IGLL5: variants seen among roughly 807,000 people sequenced by gnomAD.
IGLL5 encodes immunoglobulin lambda like polypeptide 5.
IGLL5 carries 30 observed loss-of-function variants against 20.9 expected under a neutral mutation model. The observed-to-expected ratio is 1.44, with a 90% CI of 1.07 to 1.95. The LOEUF (loss-of-function observed/expected upper bound fraction) is 1.95, where lower values mean the gene tolerates loss of function less well. Ranked by LOEUF, IGLL5 falls within the 30% of genes most tolerant of loss-of-function variation. The pLI, the probability that IGLL5 is intolerant of heterozygous loss-of-function variation, is 0.00. For missense variants in IGLL5, 475 were observed against 270.7 expected, an observed-to-expected ratio of 1.75 and a Z score of -5.30; for synonymous variants, 203 against 117.3, an observed-to-expected ratio of 1.73 and a Z score of -4.72.
intron 1 of IGLL5, among the ~76,000 whole-genome samples, chr22:22,889,410 C>G (rs1211916835): frequency 1.3e-5 from 2 of 151,252 alleles, no homozygotes; most frequent in East Asian, 2.0e-4. Context: ...TTTATCTAAA[C>G]TGGGCAATTC....
chr22:22,894,439 A>T (rs903979999), intron 2 of IGLL5, among the ~76,000 whole-genome samples: 2 of 151,470 alleles, frequency 1.3e-5, no homozygotes, highest in African/African-American at 2.4e-5. Context: ...GAGGTGCCAG[A>T]ATCCAACCCT....
rs1334650956 is a variant in IGLL5, at chr22:22,888,211, G to A, written c.158G>A (p.Gly53Glu). ...VAPQSGDPDP[G>E]ASVGSSRSSL... ...CCGCAAAGCGGGGACCCAGACCCTG[G>A]AGCCTCAGTTGGAAGCAGCCGATCC... The change falls in exon 1 of 3, where the codon GGA (glycine) becomes GAA (glutamate). Residue 53 changes from glycine to glutamate, a missense_variant. By Grantham distance (98) the Gly-to-Glu change is moderately conservative. Transcript: ENST00000526893. 1.2e-5 allele frequency: 18 copies of A among 1,548,468 alleles called. No individual in the cohort carries two copies. Among genetic ancestry groups the A allele is most frequent in the Non-Finnish European group, 1.4e-5 (16 of 1,146,542 alleles).
intron 1 of IGLL5, among the ~76,000 whole-genome samples, chr22:22,888,948 C>G (rs1601605145): frequency 2.0e-5 from 3 of 151,268 alleles, no homozygotes; most frequent in Admixed American, 6.6e-5. Context: ...AAAGACAGAG[C>G]AGCGTCAGAG....
intron 1 of IGLL5, among the ~76,000 whole-genome samples, chr22:22,888,957 A>T (rs544549026): frequency 6.6e-6 from 1 of 151,362 alleles, no homozygotes; most frequent in Admixed American, 6.6e-5. Flanking sequence ...GCAGCGTCAG[A>T]GGAGAGGAGA....
chr22:22,889,220 T>C (rs577378286), intron 1 of IGLL5, among the ~76,000 whole-genome samples: 1 of 150,586 alleles, frequency 6.6e-6, no homozygotes, highest in Admixed American at 6.7e-5. Flanking sequence ...AGCCGTGCCT[T>C]GGGGATGGGG....
At chr22:22,891,863 TA>T (rs2067858139) in intron 1 of IGLL5, among the ~76,000 whole-genome samples, 1 of 151,276 alleles carries the variant, frequency 6.6e-6, no homozygotes, top group South Asian at 2.1e-4. Context: ...CCAGACACTT[TA>T]ACTCTTGTAT....
rs1483522615 is a variant in IGLL5, at chr22:22,895,878, C to T, written c.*184C>T. On this transcript the variant is annotated 3_prime_UTR_variant, in exon 3 of 3. Transcript: ENST00000526893. Reference sequence around the variant, plus strand: ...TTTTTCTCACATAAATTGCTAGCCTCCCCGGGGTTCTCAGTGTGGGGTACA... The same window carrying T: ...TTTTTCTCACATAAATTGCTAGCCTTCCCGGGGTTCTCAGTGTGGGGTACA... 1 of 675,008 alleles carries T rather than the reference C, an allele frequency of 1.5e-6. No homozygotes were observed. The highest frequency in any genetic ancestry group is 2.6e-6 in the Non-Finnish European group (1 of 386,162). The allele number at this position is 675,008 out of a possible 1,614,324, so 41.8% of individuals were successfully genotyped here. A position where few individuals can be genotyped will look rare whatever the true frequency, so the allele number is the denominator to read the frequency against.
chr22:22,894,828 A>C (rs1267049866), intron 2 of IGLL5, among the ~76,000 whole-genome samples: 1 of 151,390 alleles, frequency 6.6e-6, no homozygotes, highest in Admixed American at 6.6e-5. Context: ...ACTCCTTGCC[A>C]GGAGAGCCAA....
At chr22:22,895,271 T>A in intron 2 of IGLL5, 104 bp from the exon 3 acceptor site, 5 of 1,047,364 alleles carry the variant, frequency 4.8e-6, no homozygotes, top group Middle Eastern at 2.9e-4. Context: ...GTGGACCGGA[T>A]GGCCACACTG....
At position 22,895,628 on chromosome 22, in the gene IGLL5, C is replaced by T; in HGVS notation, c.579C>T (p.Tyr193=). Residue 193 remains tyrosine, a synonymous_variant, in exon 3 of 3, where the codon TAC becomes TAT. Transcript: ENST00000526893. ...TPEQWKSHRS[Y]SCQVTHEGST... The stretch of plus-strand genomic sequence containing the variant: ...AGCAGTGGAAGTCCCACAGAAGCTA[C>T]AGCTGCCAGGTCACGCATGAAGGGA... The T allele has an allele frequency of 1.2e-6, 2 of 1,613,342 alleles. No individual in the cohort carries two copies. Among genetic ancestry groups the T allele is most frequent in the Non-Finnish European group, 1.7e-6 (2 of 1,179,766 alleles).
chr22:22,888,656 C>A (rs1303470639), intron 1 of IGLL5, among the ~76,000 whole-genome samples: 1 of 151,338 alleles, frequency 6.6e-6, no homozygotes, highest in Non-Finnish European at 1.5e-5. Flanking sequence ...GCCCATGTGC[C>A]TCCTGCCCAG....
intron 1 of IGLL5, among the ~76,000 whole-genome samples, chr22:22,888,765 G>A (rs2067643945): frequency 6.6e-6 from 1 of 151,420 alleles, no homozygotes; most frequent in South Asian, 2.1e-4. Flanking sequence ...GCTTACTGGG[G>A]CCAGGCTCAA....
chr22:22,890,854 C>T (rs2146011266), intron 1 of IGLL5, among the ~76,000 whole-genome samples: 1 of 151,140 alleles, frequency 6.6e-6, no homozygotes, highest in East Asian at 2.0e-4. Flanking sequence ...TATTTTATTA[C>T]TGGTGAAATT....
At chr22:22,891,718 CT>C (rs754795465) in intron 1 of IGLL5, among the ~76,000 whole-genome samples, 1 of 151,256 alleles carries the variant, frequency 6.6e-6, no homozygotes, top group African/African-American at 2.4e-5. Context: ...ATCTTGCACA[CT>C]TTGTTTTTTA....
At chr22:22,889,355 T>C (rs549929575) in intron 1 of IGLL5, among the ~76,000 whole-genome samples, 6 of 151,086 alleles carry the variant, frequency 4.0e-5, no homozygotes, top group East Asian at 4.1e-4. Flanking sequence ...ATTAAAAATG[T>C]ATAACCATTT....
chr22:22,888,293 T>A (rs556107715), intron 1 of IGLL5, 34 bp downstream of exon 1: 1 of 1,537,646 alleles, frequency 6.5e-7, no homozygotes, highest in Non-Finnish European at 8.8e-7. Context: ...GATGTGGGGG[T>A]CCTGCAGCAG....
chr22:22,889,544 T>C (rs1022746203), intron 1 of IGLL5, among the ~76,000 whole-genome samples: 1 of 151,100 alleles, frequency 6.6e-6, no homozygotes, highest in East Asian at 2.0e-4. Flanking sequence ...AAAATCCAAA[T>C]ATCTACCAGA....
chr22:22,890,762 C>G (rs917727753), intron 1 of IGLL5, among the ~76,000 whole-genome samples: 3 of 150,958 alleles, frequency 2.0e-5, no homozygotes, highest in Admixed American at 6.6e-5. Flanking sequence ...TACATTCTTA[C>G]CAATAATGCA....
chr22:22,892,278 CTTAAA>C (rs2067872608), intron 1 of IGLL5, among the ~76,000 whole-genome samples: 1 of 151,110 alleles, frequency 6.6e-6, no homozygotes, highest in Non-Finnish European at 1.5e-5. Flanking sequence ...CTGCACATGT[CTTAAA>C]TACAAATGTA....
Sources: gnomAD v4.1 joint callset for allele counts (sites outside exome capture counted in the v4.1 genomes callset) on GRCh38, gnomAD v4.1.1 for gene constraint, MANE v1.5 for transcripts, NCBI Gene and HGNC (gene_info 2026-07-23, HGNC 2026-07-21) for gene names.